Variants in MLIP observed in about 807,000 individuals in gnomAD.
MLIP encodes the protein muscular LMNA-interacting protein.
In MLIP, 79 loss-of-function variants were observed where a neutral mutation model predicts 84.8. The observed-to-expected ratio is 0.93, with a 90% CI of 0.78 to 1.12. The LOEUF (loss-of-function observed/expected upper bound fraction) is 1.12, where lower values mean the gene tolerates loss of function less well. Among genes scored for constraint, MLIP ranks in the 50% most tolerant of loss-of-function variants. The probability of loss-of-function intolerance (pLI) is 0.00; values close to 1 mark genes in which losing one functional copy is unlikely to be tolerated. For missense variants in MLIP, 1,257 were observed against 1,160.6 expected (o/e 1.08, Z -1.21); for synonymous variants, 504 against 463.0 (o/e 1.09, Z -1.14).
At chr6:54,138,374 A>G in intron 4 of MLIP, 88 bp downstream of exon 4, 1 of 1,423,478 alleles carries the variant, frequency 7.0e-7, no homozygotes. Context: ...CAATAATTAT[A>G]GTATTAATTG....
intron 12 of MLIP, among the ~76,000 whole-genome samples, chr6:54,237,205 T>C (rs1040860357): frequency 4.0e-5 from 6 of 151,358 alleles, no homozygotes; most frequent in Admixed American, 4.0e-4. Context: ...ATGACCACTG[T>C]GGGGAACTGG....
At chr6:54,194,627 T>C (rs1778168820) in intron 10 of MLIP, among the ~76,000 whole-genome samples, 1 of 152,124 alleles carries the variant, frequency 6.6e-6, no homozygotes, top group South Asian at 2.1e-4. Flanking sequence ...CATGCCATAT[T>C]TATAATTGCA....
intron 9 of MLIP, among the ~76,000 whole-genome samples, chr6:54,177,653 A>G (rs1433308543): frequency 6.6e-6 from 1 of 152,250 alleles, no homozygotes; most frequent in Non-Finnish European, 1.5e-5. Context: ...TTAGAGACCT[A>G]GAACCAGAAA....
chr6:54,044,361 C>T (rs964410974), intron 1 of MLIP, among the ~76,000 whole-genome samples: 3 of 152,208 alleles, frequency 2.0e-5, no homozygotes, highest in Non-Finnish European at 4.4e-5. Flanking sequence ...GGATTGGATG[C>T]TATTTGTGTG....
chr6:54,079,541 CCA>C (rs2150355226), intron 1 of MLIP: 1 of 152,288 alleles, frequency 6.6e-6, no homozygotes, highest in South Asian at 2.1e-4. Flanking sequence ...CTTTCATTAT[CCA>C]GAGCAAACCA....
chr6:54,040,788 A>G (rs763339216), intron 1 of MLIP, among the ~76,000 whole-genome samples: 1 of 152,144 alleles, frequency 6.6e-6, no homozygotes, highest in Non-Finnish European at 1.5e-5. Context: ...GCTGGAGGCC[A>G]TTATCCTAAT....
At chr6:54,020,585 G>A (rs1385845152) in intron 1 of MLIP, among the ~76,000 whole-genome samples, 1 of 152,208 alleles carries the variant, frequency 6.6e-6, no homozygotes, top group Non-Finnish European at 1.5e-5. Flanking sequence ...CATGGGGCAA[G>A]TGCACAAAGT....
At chr6:54,165,602 T>C (rs1364798273) in intron 8 of MLIP, among the ~76,000 whole-genome samples, 3 of 151,966 alleles carry the variant, frequency 2.0e-5, no homozygotes. Context: ...TTTGAAATGT[T>C]TGGCCGTTAA....
chr6:54,233,684 G>C (rs1017194790), intron 12 of MLIP, among the ~76,000 whole-genome samples: 3 of 152,174 alleles, frequency 2.0e-5, no homozygotes, highest in African/African-American at 7.2e-5. Flanking sequence ...AATTCTTTGG[G>C]TATATACCCA....
chr6:54,120,304 G>T (rs1176353956), intron 1 of MLIP, among the ~76,000 whole-genome samples: 1 of 151,670 alleles, frequency 6.6e-6, no homozygotes, highest in Non-Finnish European at 1.5e-5. Context: ...GCACGATCTC[G>T]GCTCACTGCA....
At chr6:54,081,206 G>A (rs1767123664) in intron 1 of MLIP, among the ~76,000 whole-genome samples, 1 of 152,074 alleles carries the variant, frequency 6.6e-6, no homozygotes, top group Admixed American at 6.6e-5. Context: ...CATCCTTGGG[G>A]AGGTGTTACC....
intron 1 of MLIP, chr6:54,029,216 G>T (rs1763987257): frequency 6.6e-6 from 1 of 152,158 alleles, no homozygotes; most frequent in Non-Finnish European, 1.5e-5. Context: ...GGATGCTACG[G>T]TCTGGATGTG....
intron 11 of MLIP, chr6:54,216,674 AT>A: frequency 1.0e-6 from 1 of 984,450 alleles, no homozygotes; most frequent in African/African-American, 1.7e-5. Context: ...ACAAGTTCAA[AT>A]TTTCTTGGTT....
chr6:54,079,988 G>C (rs1561913347), intron 1 of MLIP, among the ~76,000 whole-genome samples: 1 of 152,158 alleles, frequency 6.6e-6, no homozygotes, highest in Admixed American at 6.5e-5. Flanking sequence ...GCACGGGATG[G>C]GAAGGAACTG....
At chr6:54,213,806 C>A (rs905576654) in intron 11 of MLIP, among the ~76,000 whole-genome samples, 7 of 142,778 alleles carry the variant, frequency 4.9e-5, no homozygotes, top group African/African-American at 1.6e-4. Context: ...TTTTTTAATT[C>A]AAAGATATCT....
intron 1 of MLIP, among the ~76,000 whole-genome samples, chr6:54,061,534 T>G (rs181501995): frequency 5.4e-4 from 83 of 152,328 alleles, no homozygotes; most frequent in Non-Finnish European, 1.0e-3. Context: ...TATTTCATTG[T>G]GCTCAAAGCT....
intron 1 of MLIP, among the ~76,000 whole-genome samples, chr6:54,060,881 GC>G (rs1765926917): frequency 1.3e-5 from 2 of 151,800 alleles, no homozygotes; most frequent in Non-Finnish European, 2.9e-5. Flanking sequence ...TCAATGCACA[GC>G]CCCCAACAAT....
intron 3 of MLIP, among the ~76,000 whole-genome samples, chr6:54,130,568 T>G (rs1179317379): frequency 1.3e-5 from 2 of 152,120 alleles, no homozygotes; most frequent in Non-Finnish European, 2.9e-5. Flanking sequence ...TTTATTCCTG[T>G]ATGAAGGTAG....
chr6:54,258,473 C>G (rs1022440680), intron 13 of MLIP, among the ~76,000 whole-genome samples: 7 of 151,916 alleles, frequency 4.6e-5, no homozygotes, highest in Non-Finnish European at 1.0e-4. Context: ...TCTCTGGTTA[C>G]TTTTTAAGAT....
Sources: gnomAD v4.1 joint callset for allele counts (sites outside exome capture counted in the v4.1 genomes callset) on GRCh38, gnomAD v4.1.1 for gene constraint, MANE v1.5 for transcripts, NCBI Gene and HGNC (gene_info 2026-07-23, HGNC 2026-07-21) for gene names.